The following PRLR variants were observed in gnomAD, a reference collection of about 807,000 sequenced individuals.
The protein encoded by PRLR is prolactin receptor, also known as hPRL receptor.
PRLR carries 13 observed loss-of-function variants against 40.2 expected under a neutral mutation model. That is an observed-to-expected ratio of 0.32 (90% CI 0.21 to 0.51). The LOEUF (loss-of-function observed/expected upper bound fraction) is 0.51, where lower values mean the gene tolerates loss of function less well. PRLR is among the 20% of genes least tolerant of loss of function. PRLR has a pLI of 0.97. For missense variants in PRLR, 656 were observed against 747.3 expected, an observed-to-expected ratio of 0.88 and a Z score of 1.42; for synonymous variants, 269 against 278.7, an observed-to-expected ratio of 0.97 and a Z score of 0.35.
chr5:35,049,039 A>G, exon 9 of PRLR: 4 of 577,352 alleles, frequency 6.9e-6, no homozygotes, highest in Non-Finnish European at 3.3e-6. Flanking sequence ...GCACTAGGTA[A>G]GCAGAGGGAG....
chr5:35,078,345 C>G (rs1308534391), intron 5 of PRLR, among the ~76,000 whole-genome samples: 2 of 151,876 alleles, frequency 1.3e-5, no homozygotes, highest in African/African-American at 4.8e-5. Flanking sequence ...AAATGAAATA[C>G]ATGCAATAAA....
chr5:35,227,680 C>T (rs1414607817), intron 1 of PRLR, among the ~76,000 whole-genome samples: 1 of 152,140 alleles, frequency 6.6e-6, no homozygotes, highest in African/African-American at 2.4e-5. Flanking sequence ...ATTGCTACAT[C>T]ATCTGACCAC....
chr5:35,220,302 C>T (rs10058356), intron 1 of PRLR, among the ~76,000 whole-genome samples: 88,785 of 151,896 alleles, frequency 0.58, 27,262 homozygotes, highest in Non-Finnish European at 0.69. Flanking sequence ...CCACAATGGT[C>T]TCATTTCTGT....
chr5:35,070,565 C>T (rs1038879208), intron 6 of PRLR, among the ~76,000 whole-genome samples: 5 of 151,914 alleles, frequency 3.3e-5, no homozygotes, highest in Admixed American at 1.3e-4. Context: ...CAAAATTGGC[C>T]AGGCATGGTG....
chr5:35,205,638 G>T, intron 1 of PRLR, among the ~76,000 whole-genome samples: 1 of 152,142 alleles, frequency 6.6e-6, no homozygotes, highest in East Asian at 1.9e-4. Flanking sequence ...AGCAAGTAAG[G>T]ACTATGGGGG....
intron 1 of PRLR, among the ~76,000 whole-genome samples, chr5:35,196,703 G>T (rs1775746559): frequency 6.6e-6 from 1 of 152,234 alleles, no homozygotes; most frequent in South Asian, 2.1e-4. Context: ...TGCAAACTGG[G>T]CTAGGTGAAG....
At chr5:35,066,997 T>C (rs1769420669) in intron 9 of PRLR, among the ~76,000 whole-genome samples, 1 of 152,084 alleles carries the variant, frequency 6.6e-6, no homozygotes, top group African/African-American at 2.4e-5. Flanking sequence ...TCTCCTGACC[T>C]CGTGATCTGC....
chr5:35,131,387 T>C (rs147178292), intron 1 of PRLR, among the ~76,000 whole-genome samples: 162 of 152,218 alleles, frequency 1.1e-3, no homozygotes, highest in African/African-American at 3.7e-3. Context: ...GGGGTTTTAC[T>C]GGGGGTTTAC....
chr5:35,122,012 T>C (rs1328915878), intron 1 of PRLR, among the ~76,000 whole-genome samples: 1 of 151,980 alleles, frequency 6.6e-6, no homozygotes, highest in African/African-American at 2.4e-5. Context: ...AAAGTGGGAG[T>C]TGATACACAA....
chr5:35,190,563 A>C (rs1336051723), intron 1 of PRLR, among the ~76,000 whole-genome samples: 1 of 151,836 alleles, frequency 6.6e-6, no homozygotes, highest in East Asian at 1.9e-4. Context: ...CGAGATTGTG[A>C]GATTGTGCCA....
At position 35,065,221 on chromosome 5, in the gene PRLR, G is replaced by A. The variant is rs1449958731; in HGVS notation, c.1737C>T (p.Ala579=). 3.7e-6 allele frequency: 6 copies of A among 1,614,102 alleles called. No homozygotes were observed. The highest frequency in any genetic ancestry group is 1.1e-5 in the South Asian group (1 of 91,066). Residue 579 remains alanine (A), a synonymous_variant, in exon 10 of 10, where the codon GCC becomes GCT. Transcript: ENST00000618457. Reference sequence around the variant, plus strand: ...CTTGATTCTGTTCAAGTGATGGTGGGGCCTCTTTGGCTGATTCTTCAAAGC... The same window carrying A: ...CTTGATTCTGTTCAAGTGATGGTGGAGCCTCTTTGGCTGATTCTTCAAAGC... ...VACFEESAKE[A]PPSLEQNQAE...
rs541945156 is a variant in PRLR, at chr5:35,137,603, T to C, written c.-105-19481A>G. Among the ~76,000 whole-genome samples, 3 of 152,360 alleles carry C rather than the reference T, an allele frequency of 2.0e-5. No homozygotes were observed. In the South Asian group the frequency reaches 6.2e-4, roughly 32 times the overall value. ...AACAAGGATATGGTTATCTGATTCA[T>C]CTACACATTTGAGTGCATATCATGA... On this transcript the variant is annotated intron_variant, in intron 1 of 9. Coordinates refer to ENST00000618457, the MANE Select transcript of PRLR (RefSeq NM_000949.7).
In PRLR at chr5:35,062,884, G is replaced by A. The variant is rs1769126209; in HGVS notation, c.*2205C>T. ...TGTTTCTTTTTTTGCCTGCTTACATGCAGTGTTGTTCATTGCAAGTCAAAC... is the reference window on the plus strand; with the variant it reads ...TGTTTCTTTTTTTGCCTGCTTACATACAGTGTTGTTCATTGCAAGTCAAAC... On this transcript the variant is annotated 3_prime_UTR_variant, in exon 10 of 10. Transcript: ENST00000618457. 1 of 152,154 alleles carries A rather than the reference G, an allele frequency of 6.6e-6. No individual in the cohort carries two copies. Among genetic ancestry groups the A allele is most frequent in the Non-Finnish European group, 1.5e-5 (1 of 68,022 alleles). The allele number at this position is 152,154 out of a possible 1,614,324, so 9.4% of individuals were successfully genotyped here. A position where few individuals can be genotyped will look rare whatever the true frequency, so the allele number is the denominator to read the frequency against.
At chr5:35,127,173 C>T (rs1016085174) in intron 1 of PRLR, among the ~76,000 whole-genome samples, 2 of 152,170 alleles carry the variant, frequency 1.3e-5, no homozygotes, top group African/African-American at 4.8e-5. Flanking sequence ...GACAGGACCA[C>T]GTGGCAAGTA....
chr5:35,066,213 A>G, intron 9 of PRLR, 111 bp from the exon 10 acceptor site: 2 of 1,080,210 alleles, frequency 1.9e-6, no homozygotes, highest in East Asian at 5.2e-5. Flanking sequence ...GAAGATCTCA[A>G]ACTTCAGACA....
chr5:35,113,066 C>T (rs930105573), intron 2 of PRLR, among the ~76,000 whole-genome samples: 2 of 152,074 alleles, frequency 1.3e-5, no homozygotes, highest in African/African-American at 4.8e-5. Context: ...ATCCATCCAC[C>T]CACCCATCCA....
chr5:35,129,548 T>G (rs1579707940), intron 1 of PRLR, among the ~76,000 whole-genome samples: 2 of 152,266 alleles, frequency 1.3e-5, no homozygotes, highest in African/African-American at 4.8e-5. Context: ...GAAACTTAAC[T>G]GGTCTCAAGA....
chr5:35,103,961 A>T (rs1297360692), intron 2 of PRLR, among the ~76,000 whole-genome samples: 1 of 151,334 alleles, frequency 6.6e-6, no homozygotes, highest in Admixed American at 6.6e-5. Flanking sequence ...TTTTTTTTTT[A>T]AAGCTGTGTA....
At chr5:35,105,923 G>T (rs904961107) in intron 2 of PRLR, among the ~76,000 whole-genome samples, 15 of 152,184 alleles carry the variant, frequency 9.9e-5, no homozygotes, top group Non-Finnish European at 1.8e-4. Context: ...ACACATAATT[G>T]TCAGATTCAC....
Sources: allele counts gnomAD v4.1 joint callset (sites outside exome capture counted in the v4.1 genomes callset), GRCh38; gene constraint gnomAD v4.1.1; transcripts MANE v1.5; gene names NCBI Gene and HGNC (gene_info 2026-07-23, HGNC 2026-07-21).